The following RAPGEF4 variants were observed in gnomAD, a reference collection of about 807,000 sequenced individuals.
RAPGEF4 encodes the protein RAP guanine-nucleotide-exchange factor (GEF) 4.
Under a neutral mutation model 147.9 loss-of-function variants are expected in RAPGEF4, and 66 were observed. The observed-to-expected ratio is 0.45, with a 90% confidence interval of 0.37 to 0.55. The LOEUF is 0.55. Ranked by LOEUF, RAPGEF4 falls within the 20% of genes least tolerant of loss-of-function variation. The probability of loss-of-function intolerance (pLI) is 0.00; values close to 1 mark genes in which losing one functional copy is unlikely to be tolerated. For missense variants in RAPGEF4, 1,071 were observed against 1,257.3 expected, an observed-to-expected ratio of 0.85 and a Z score of 2.24; for synonymous variants, 419 against 442.7, an observed-to-expected ratio of 0.95 and a Z score of 0.67.
At chr2:172,892,925 T>TG in intron 4 of RAPGEF4, among the ~76,000 whole-genome samples, 1 of 152,344 alleles carries the variant, frequency 6.6e-6, no homozygotes, top group South Asian at 2.1e-4. Context: ...TGGCATTCCT[T>TG]GGGGCAAAGG....
At chr2:172,829,200 T>C (rs1690017891) in intron 4 of RAPGEF4, among the ~76,000 whole-genome samples, 1 of 152,244 alleles carries the variant, frequency 6.6e-6, no homozygotes, top group Admixed American at 6.5e-5. Context: ...TAGTTTCTCC[T>C]GGACTAGAGG....
At chr2:173,037,900 C>G (rs1684259875) in intron 29 of RAPGEF4, among the ~76,000 whole-genome samples, 1 of 152,132 alleles carries the variant, frequency 6.6e-6, no homozygotes, top group Admixed American at 6.5e-5. Context: ...AACTGTTATT[C>G]TAGTTGTTTC....
intron 6 of RAPGEF4, among the ~76,000 whole-genome samples, chr2:172,934,069 C>A (rs1457275229): frequency 6.9e-6 from 1 of 145,652 alleles, no homozygotes; most frequent in Non-Finnish European, 1.5e-5. Flanking sequence ...AGCCTAGTCA[C>A]AAATTTCTAA....
chr2:172,775,598 G>A lies in RAPGEF4; in HGVS notation c.66-19427G>A, dbSNP rs371917855. On this transcript the variant is annotated intron_variant, in intron 1 of 30. Transcript: ENST00000397081. ...CATTTTCCACACTGAAGGGTGTACC[G>A]GAAGCTGTTTCCAAAAAGAATGAAA... 1.9e-4 allele frequency among the ~76,000 whole-genome samples: 29 copies of A among 152,224 alleles called. No homozygotes were observed. The South Asian group carries it at 4.8e-3, about 25-fold the overall frequency.
chr2:172,915,538 C>CA (rs796223178), intron 4 of RAPGEF4, among the ~76,000 whole-genome samples: 2,303 of 141,924 alleles, frequency 0.016, 59 homozygotes, highest in African/African-American at 0.056. Context: ...TCTGTTTCTC[C>CA]AAAAAAAAAA....
At chr2:172,800,531 A>T (rs777710195) in intron 3 of RAPGEF4, among the ~76,000 whole-genome samples, 2 of 152,214 alleles carry the variant, frequency 1.3e-5, no homozygotes, top group Non-Finnish European at 2.9e-5. Flanking sequence ...CATACAAGTC[A>T]GGGTTCTTCA....
intron 6 of RAPGEF4, among the ~76,000 whole-genome samples, chr2:172,930,867 A>G (rs985560246): frequency 1.3e-5 from 2 of 152,184 alleles, no homozygotes; most frequent in Non-Finnish European, 2.9e-5. Flanking sequence ...ATTCTGGGTA[A>G]AACAAGGGCT....
At chr2:172,781,710 T>G (rs1352097432) in intron 1 of RAPGEF4, among the ~76,000 whole-genome samples, 2 of 152,132 alleles carry the variant, frequency 1.3e-5, no homozygotes, top group African/African-American at 4.8e-5. Context: ...TATAAAATGG[T>G]GTAGTATTTG....
chr2:172,776,131 C>T (rs887509265), intron 1 of RAPGEF4, among the ~76,000 whole-genome samples: 1 of 152,156 alleles, frequency 6.6e-6, no homozygotes, highest in African/African-American at 2.4e-5. Flanking sequence ...ATATGTAACT[C>T]CTCTTAGAAC....
intron 10 of RAPGEF4, 82 bp from the exon 11 acceptor site, chr2:172,983,414 C>A (rs1233985097): frequency 6.5e-6 from 10 of 1,542,266 alleles, no homozygotes; most frequent in Non-Finnish European, 7.8e-6. Flanking sequence ...GAGCATGTTA[C>A]TGATGCCTGG....
chr2:172,806,350 T>C (rs188059383), intron 3 of RAPGEF4, among the ~76,000 whole-genome samples: 333 of 152,340 alleles, frequency 2.2e-3, no homozygotes, highest in African/African-American at 7.8e-3. Flanking sequence ...AAAGCATTAG[T>C]ATTTACCCAA....
At chr2:172,978,944 C>T (rs1691389195) in intron 10 of RAPGEF4, among the ~76,000 whole-genome samples, 1 of 152,202 alleles carries the variant, frequency 6.6e-6, no homozygotes, top group African/African-American at 2.4e-5. Flanking sequence ...CAAGGTGCTG[C>T]TTGTTGGTCC....
At position 172,988,727 on chromosome 2, in the gene RAPGEF4, T is replaced by G. The variant is rs1692522870; in HGVS notation, c.1262T>G (p.Phe421Cys). Residue 421 changes from phenylalanine (F) to cysteine (C), a missense_variant, in exon 14 of 31, where the codon TTC becomes TGC. Physicochemically the swap from Phe to Cys is radical, Grantham distance 205. Transcript: ENST00000397081. ...TGCACCCTGCATGAAGGAGATGACT[T>G]CGGCAAGTTAGCACTAGTGAATGAT... Reference protein sequence around the residue: ...VVCTLHEGDDFGKLALVNDAP... With the variant: ...VVCTLHEGDDCGKLALVNDAP... The G allele has an allele frequency of 6.2e-7, 1 of 1,612,684 alleles. No individual in the cohort carries two copies. The highest frequency in any genetic ancestry group is 1.1e-5 in the South Asian group (1 of 91,060).
Position 173,030,172 on chromosome 2 carries a change from A to G in RAPGEF4, c.2567A>G (p.Glu856Gly). 1.4e-5 allele frequency: 23 copies of G among 1,609,970 alleles called. No individual in the cohort carries two copies. The highest frequency in any genetic ancestry group is 1.9e-5 in the Non-Finnish European group (22 of 1,176,170). ...CATCTCCTGTGTTTCAGCTGTAAGG[A>G]GTATAAAAATCTGAATTCCTTTTTT... ...KFIKIAAHCK[E>G]YKNLNSFFAI... is the part of the protein sequence containing the mutation. The change falls in exon 26 of 31, where the codon GAG becomes GGG. Residue 856 changes from glutamate (E) to glycine (G), a missense_variant. By Grantham distance (98) the Glu-to-Gly change is moderately conservative (BLOSUM62 -2). Coordinates refer to ENST00000397081, the MANE Select transcript of RAPGEF4 (RefSeq NM_007023.4).
At chr2:172,952,245 G>A (rs1006475458) in intron 6 of RAPGEF4, among the ~76,000 whole-genome samples, 11 of 152,132 alleles carry the variant, frequency 7.2e-5, no homozygotes, top group African/African-American at 2.7e-4. Flanking sequence ...ATAAGTGCCA[G>A]TCCATGAAAG....
At chr2:172,917,966 C>A in intron 5 of RAPGEF4, 92 bp downstream of exon 5, 2 of 1,050,654 alleles carry the variant, frequency 1.9e-6, no homozygotes, top group South Asian at 1.3e-5. Context: ...ACCAGCTTGT[C>A]AGAGTAAGTC....
chr2:173,013,579 T>A (rs1559184818), intron 17 of RAPGEF4, among the ~76,000 whole-genome samples: 1 of 152,194 alleles, frequency 6.6e-6, no homozygotes. Flanking sequence ...ACCTAAAATA[T>A]TTCTTGATTA....
At chr2:173,049,873 A>AACAAGAATAGAT (rs955605739) in intron 30 of RAPGEF4, among the ~76,000 whole-genome samples, 4 of 152,242 alleles carry the variant, frequency 2.6e-5, no homozygotes, top group Non-Finnish European at 5.9e-5. Flanking sequence ...TACAAGTGGA[A>AACAAGAATAGAT]ACAAGAATAG....
At chr2:172,955,284 CT>C (rs1161800488) in intron 6 of RAPGEF4, among the ~76,000 whole-genome samples, 1 of 152,124 alleles carries the variant, frequency 6.6e-6, no homozygotes, top group Non-Finnish European at 1.5e-5. Context: ...TTTCATTCAC[CT>C]GATTAGTATT....
Sources: allele counts gnomAD v4.1 joint callset (sites outside exome capture counted in the v4.1 genomes callset), GRCh38; gene constraint gnomAD v4.1.1; transcripts MANE v1.5; gene names NCBI Gene and HGNC (gene_info 2026-07-23, HGNC 2026-07-21).